Variants in PNKD observed in about 807,000 individuals in gnomAD.
PNKD encodes PNKD metallo-beta-lactamase domain containing.
Under a neutral mutation model 45.3 loss-of-function variants are expected in PNKD, and 36 were observed. The ratio of observed to expected loss-of-function variants is 0.80; its 90% CI spans 0.61 to 1.05. PNKD has a LOEUF of 1.05. PNKD is among the 50% of genes least tolerant of loss of function. The pLI, the probability that PNKD is intolerant of heterozygous loss-of-function variation, is 0.00. For synonymous variants in PNKD, 197 were observed against 210.1 expected, an observed-to-expected ratio of 0.94 and a Z score of 0.54; for missense variants, 511 against 506.6, an observed-to-expected ratio of 1.01 and a Z score of -0.08.
chr2:218,304,256 C>T (rs1693354196), intron 2 of PNKD, among the ~76,000 whole-genome samples: 1 of 152,044 alleles, frequency 6.6e-6, no homozygotes, highest in African/African-American at 2.4e-5. Context: ...AAGCGATTCT[C>T]CTGCCTCAGC....
At position 218,295,811 on chromosome 2, in the gene PNKD, G is replaced by A. The variant is rs115392729; in HGVS notation, c.236+24262G>A. On this transcript the variant is annotated intron_variant, in intron 2 of 9. Transcript: ENST00000273077. ...CAGCTTTAGCAAATAAAGATGCAAG[G>A]CAACCAGTTTGAGCTTCAGATAAAC... Among the ~76,000 whole-genome samples the A allele has an allele frequency of 8.0e-3, 1,215 of 151,686 alleles. 20 individuals carry two copies. Among genetic ancestry groups the A allele is most frequent in the African/African-American group, 0.028 (1,171 of 41,316 alleles).
chr2:218,299,204 C>T (rs1043350014), intron 2 of PNKD, among the ~76,000 whole-genome samples: 3 of 152,038 alleles, frequency 2.0e-5, no homozygotes, highest in Non-Finnish European at 2.9e-5. Flanking sequence ...TGCAATGGCG[C>T]GATCTTGGCT....
chr2:218,285,489 G>A (rs577974731), intron 2 of PNKD, among the ~76,000 whole-genome samples: 1 of 152,210 alleles, frequency 6.6e-6, no homozygotes, highest in African/African-American at 2.4e-5. Context: ...CACCACCACA[G>A]GGCTCACAGC....
At chr2:218,301,202 A>G (rs1206046630) in intron 2 of PNKD, among the ~76,000 whole-genome samples, 1 of 152,212 alleles carries the variant, frequency 6.6e-6, no homozygotes, top group East Asian at 1.9e-4. Context: ...TAGTTGCACT[A>G]ACCACATTTT....
chr2:218,325,522 A>G (rs1300738607), intron 2 of PNKD, among the ~76,000 whole-genome samples: 1 of 152,090 alleles, frequency 6.6e-6, no homozygotes, highest in Non-Finnish European at 1.5e-5. Context: ...TGGGATTTTT[A>G]ATGAAAACAT....
chr2:218,295,842 A>AT lies in PNKD; in HGVS notation c.236+24293_236+24294insT, dbSNP rs1288852123. On this transcript the variant is annotated intron_variant, in intron 2 of 9. Coordinates refer to ENST00000273077, the MANE Select transcript of PNKD (RefSeq NM_015488.5). ...AGTTTGAGCTTCAGATAAACAACAAACCTTTTTTTTTTTTTTTTTCAAGAC... is the reference window on the plus strand; with the variant it reads ...AGTTTGAGCTTCAGATAAACAACAAATCCTTTTTTTTTTTTTTTTTCAAGAC... Among the ~76,000 whole-genome samples, 4 of 134,128 alleles carry AT rather than the reference A, an allele frequency of 3.0e-5. No homozygotes were observed. The South Asian group carries it at 1.1e-3, about 37-fold the overall frequency. 88.0% of individuals were successfully genotyped at this position (134,128 alleles called of 152,430 possible).
In PNKD at chr2:218,282,014, G is replaced by A. The variant is rs35041266; in HGVS notation, c.236+10465G>A. ...AGCAGGGTGACCGTAGCCAGGCTGC[G>A]GGTAGCCAGGGTAGGCAGGATACCC... On this transcript the variant is annotated intron_variant, in intron 2 of 9. Coordinates refer to ENST00000273077, the MANE Select transcript of PNKD (RefSeq NM_015488.5). The A allele has an allele frequency of 2.6e-3, 4,155 of 1,607,544 alleles. 13 individuals are homozygous for A. Among genetic ancestry groups the A allele is most frequent in the Non-Finnish European group, 3.2e-3 (3,751 of 1,177,960 alleles).
chr2:218,309,170 T>A (rs1219831254), intron 2 of PNKD, among the ~76,000 whole-genome samples: 2 of 151,958 alleles, frequency 1.3e-5, no homozygotes, highest in Non-Finnish European at 2.9e-5. Context: ...CAGCTAATTG[T>A]CATATTTTTC....
chr2:218,320,946 G>T (rs966254028), intron 2 of PNKD, among the ~76,000 whole-genome samples: 14 of 152,098 alleles, frequency 9.2e-5, no homozygotes, highest in Admixed American at 3.9e-4. Flanking sequence ...CTAAGGGTGG[G>T]GTTATGGCTC....
At chr2:218,270,673 AGCAGGAGGTCAGG>A (rs1690794409) in intron 1 of PNKD, 71 bp downstream of exon 1, 1 of 473,004 alleles carries the variant, frequency 2.1e-6, no homozygotes, top group Non-Finnish European at 3.6e-6. Flanking sequence ...GCCCGACGAT[AGCAGGAGGTCAGG>A]GCTCTTGGTT....
intron 2 of PNKD, chr2:218,281,945 T>C: frequency 2.5e-6 from 4 of 1,596,096 alleles, no homozygotes; most frequent in Non-Finnish European, 8.5e-7. Flanking sequence ...CTCACCGTAG[T>C]TCATGGGCAT....
At chr2:218,281,228 G>A (rs1354444112) in intron 2 of PNKD, among the ~76,000 whole-genome samples, 2 of 142,170 alleles carry the variant, frequency 1.4e-5, no homozygotes, top group African/African-American at 2.6e-5. Flanking sequence ...CCACCTCCTG[G>A]GATTGCAAGC....
intron 2 of PNKD, among the ~76,000 whole-genome samples, chr2:218,322,232 CT>C (rs1694005877): frequency 6.6e-6 from 1 of 152,190 alleles, no homozygotes; most frequent in African/African-American, 2.4e-5. Flanking sequence ...GAGCTTGACT[CT>C]TTAGAGCATT....
chr2:218,281,842 A>T, intron 2 of PNKD: 7 of 961,020 alleles, frequency 7.3e-6, no homozygotes, highest in Non-Finnish European at 1.1e-5. Flanking sequence ...AAGGGATTTA[A>T]GGGAAACTAG....
chr2:218,336,394 G>T (rs1286495723), intron 2 of PNKD, among the ~76,000 whole-genome samples: 1 of 152,074 alleles, frequency 6.6e-6, no homozygotes, highest in African/African-American at 2.4e-5. Context: ...ATTGTGCAAT[G>T]CCTGTTTTAA....
intron 2 of PNKD, among the ~76,000 whole-genome samples, chr2:218,319,689 T>C (rs1010988611): frequency 4.6e-5 from 7 of 152,254 alleles, no homozygotes; most frequent in Non-Finnish European, 7.3e-5. Context: ...TTGTGTATTA[T>C]AGGATGTTTA....
At chr2:218,334,563 G>A in intron 2 of PNKD, 1 of 589,896 alleles carries the variant, frequency 1.7e-6, no homozygotes, top group Non-Finnish European at 3.0e-6. Flanking sequence ...TGAGGCGGGA[G>A]GATCGCTTGA....
intron 2 of PNKD, among the ~76,000 whole-genome samples, chr2:218,273,356 C>T (rs1382074764): frequency 6.6e-6 from 1 of 152,054 alleles, no homozygotes; most frequent in Admixed American, 6.5e-5. Flanking sequence ...ACTGCAACCT[C>T]CACCTCCTGG....
intron 2 of PNKD, among the ~76,000 whole-genome samples, chr2:218,324,997 CTTTTTTTTTT>C (rs1167758595): frequency 4.8e-5 from 3 of 62,682 alleles, no homozygotes; most frequent in Non-Finnish European, 8.2e-5. Context: ...AAATAATTTT[CTTTTTTTTTT>C]TTTTTTTTTT....
Sources: gnomAD v4.1 joint callset for allele counts (sites outside exome capture counted in the v4.1 genomes callset) on GRCh38, gnomAD v4.1.1 for gene constraint, MANE v1.5 for transcripts, NCBI Gene and HGNC (gene_info 2026-07-23, HGNC 2026-07-21) for gene names.